MRAP2: variants seen among roughly 807,000 people sequenced by gnomAD.
MRAP2 encodes melanocortin 2 receptor accessory protein 2.
A neutral mutation model predicts 17.4 loss-of-function variants in MRAP2; 20 were observed. That is an observed-to-expected ratio of 1.15 (90% confidence interval 0.81 to 1.67). MRAP2 has a LOEUF of 1.67. MRAP2 is among the 40% of genes most tolerant of loss of function. The probability of loss-of-function intolerance (pLI) is 0.00; values close to 1 mark genes in which losing one functional copy is unlikely to be tolerated. For missense variants in MRAP2, 238 were observed against 240.0 expected, an observed-to-expected ratio of 0.99 and a Z score of 0.05; for synonymous variants, 96 against 88.4, an observed-to-expected ratio of 1.09 and a Z score of -0.48.
At chr6:84,112,268 C>T in the MRAP2 span, among the ~76,000 whole-genome samples, 1 of 152,148 alleles carries the variant, frequency 6.6e-6, no homozygotes, top group African/African-American at 2.4e-5. Flanking sequence ...TTAATTACTC[C>T]CTCAATTTCA....
intron 2 of MRAP2, among the ~76,000 whole-genome samples, chr6:84,060,341 A>G (rs550861314): frequency 7.9e-4 from 121 of 152,206 alleles, no homozygotes; most frequent in Non-Finnish European, 1.5e-3. Context: ...TTAGAAGGGC[A>G]GAGGGAAGGG....
chr6:84,060,501 T>A (rs1199244449), intron 2 of MRAP2, among the ~76,000 whole-genome samples: 1 of 152,204 alleles, frequency 6.6e-6, no homozygotes, highest in African/African-American at 2.4e-5. Flanking sequence ...ACCGAAGACT[T>A]AAATATAGCA....
intron 3 of MRAP2, among the ~76,000 whole-genome samples, chr6:84,088,516 C>T (rs1258131762): frequency 6.6e-6 from 1 of 152,146 alleles, no homozygotes; most frequent in East Asian, 1.9e-4. Flanking sequence ...GTAAAATGCA[C>T]ATCATAATTC....
chr6:84,142,516 C>T, the MRAP2 span, among the ~76,000 whole-genome samples: 1 of 152,064 alleles, frequency 6.6e-6, no homozygotes, highest in African/African-American at 2.4e-5. Context: ...GAAGCACTTA[C>T]ACAAATTAAG....
At chr6:84,059,884 C>G (rs557995595) in intron 2 of MRAP2, among the ~76,000 whole-genome samples, 136 of 152,254 alleles carry the variant, frequency 8.9e-4, no homozygotes, top group Middle Eastern at 6.8e-3. Context: ...GGGAAGACAA[C>G]GGGCTCCACT....
the MRAP2 span, among the ~76,000 whole-genome samples, chr6:84,125,980 TTAAG>T: frequency 6.3e-3 from 958 of 152,288 alleles, 4 homozygotes; most frequent in African/African-American, 0.022. Flanking sequence ...CTGTTTATAA[TTAAG>T]TATAGTAATA....
At chr6:84,079,135 G>A (rs891532568) in intron 3 of MRAP2, among the ~76,000 whole-genome samples, 5 of 152,176 alleles carry the variant, frequency 3.3e-5, no homozygotes, top group Admixed American at 2.6e-4. Flanking sequence ...TACTCACATA[G>A]TCCCAAGCTA....
intron 3 of MRAP2, among the ~76,000 whole-genome samples, chr6:84,074,759 TGA>T (rs1174593806): frequency 1.1e-4 from 16 of 152,222 alleles, no homozygotes; most frequent in African/African-American, 3.9e-4. Flanking sequence ...ACAGTTTACC[TGA>T]GAGAGAATGT....
the MRAP2 span, among the ~76,000 whole-genome samples, chr6:84,146,280 T>C: frequency 6.6e-6 from 1 of 152,120 alleles, no homozygotes; most frequent in East Asian, 1.9e-4. Context: ...TTTCTCTTAT[T>C]AATCTGTCTT....
chr6:84,035,248 C>T (rs982436564), intron 1 of MRAP2: 5 of 172,110 alleles, frequency 2.9e-5, no homozygotes, highest in African/African-American at 1.2e-4. Flanking sequence ...CGGTTACAGT[C>T]ATCTTTGTGC....
the MRAP2 span, among the ~76,000 whole-genome samples, chr6:84,116,554 A>C: frequency 6.6e-6 from 1 of 152,080 alleles, no homozygotes; most frequent in East Asian, 1.9e-4. Flanking sequence ...AGACTAATAC[A>C]CTTGTCTTAT....
the MRAP2 span, among the ~76,000 whole-genome samples, chr6:84,135,986 A>G: frequency 6.6e-6 from 1 of 152,346 alleles, no homozygotes; most frequent in African/African-American, 2.4e-5. Flanking sequence ...AGGAATTGTG[A>G]GTACTTACTT....
At chr6:84,036,613 A>G (rs1470659769) in intron 1 of MRAP2, among the ~76,000 whole-genome samples, 7 of 152,192 alleles carry the variant, frequency 4.6e-5, no homozygotes, top group African/African-American at 7.2e-5. Context: ...AGTGAGCAGC[A>G]GCAAGATTTA....
intron 3 of MRAP2, among the ~76,000 whole-genome samples, chr6:84,086,521 C>CT (rs2099500500): frequency 6.6e-6 from 1 of 152,132 alleles, no homozygotes; most frequent in Non-Finnish European, 1.5e-5. Context: ...CATACAGGTC[C>CT]TTTTGTTTAT....
rs190096404 is a variant in MRAP2 at position 84,064,284 on chromosome 6, G to A, written c.227+1292G>A. Among the ~76,000 whole-genome samples, 399 of 151,796 alleles carry A rather than the reference G, an allele frequency of 2.6e-3. 2 individuals carry two copies. Among genetic ancestry groups the A allele is most frequent in the Non-Finnish European group, 4.3e-3 (293 of 67,954 alleles). On this transcript the variant is annotated intron_variant, in intron 3 of 3. Transcript: ENST00000257776. ...TCCAGTGTGACCTCTCAGGGAAGGA[G>A]CCTCAAAGTTAAGACCAAGACCTCA...
chr6:84,037,568 A>C (rs1484518568), intron 1 of MRAP2, among the ~76,000 whole-genome samples: 1 of 148,540 alleles, frequency 6.7e-6, no homozygotes, highest in African/African-American at 2.6e-5. Context: ...GCGGGAGCCC[A>C]CCACGGGGTG....
chr6:84,081,105 C>T (rs567883039), intron 3 of MRAP2, among the ~76,000 whole-genome samples: 15 of 152,132 alleles, frequency 9.9e-5, no homozygotes, highest in Non-Finnish European at 2.1e-4. Context: ...GACAAAGTCA[C>T]CCATTGGGTG....
At chr6:84,043,338 G>T (rs1169302434) in intron 1 of MRAP2, among the ~76,000 whole-genome samples, 1 of 152,152 alleles carries the variant, frequency 6.6e-6, no homozygotes, top group African/African-American at 2.4e-5. Flanking sequence ...TAAAATGAGA[G>T]ATTCAGATAA....
rs561259710 is a variant in MRAP2 at position 84,066,243 on chromosome 6, C to G, written c.227+3251C>G. ...TCATTTTAACCCTGAATGCTTCTAA[C>G]AAGGTTAAGGAAAAATAACTTTTTA... On this transcript the variant is annotated intron_variant, in intron 3 of 3. Transcript: ENST00000257776. Among the ~76,000 whole-genome samples, 9 of 152,232 alleles carry G rather than the reference C, an allele frequency of 5.9e-5. No individual in the cohort carries two copies. In the South Asian group the frequency reaches 1.7e-3, roughly 28 times the overall value.
Sources: allele counts gnomAD v4.1 joint callset (sites outside exome capture counted in the v4.1 genomes callset), GRCh38; gene constraint gnomAD v4.1.1; transcripts MANE v1.5; gene names NCBI Gene and HGNC (gene_info 2026-07-23, HGNC 2026-07-21).